ERLIN1: variants seen among roughly 807,000 people sequenced by gnomAD.
The protein encoded by ERLIN1 is ER lipid raft associated 1.
In ERLIN1, 24 loss-of-function variants were observed where a neutral mutation model predicts 46.9. The ratio of observed to expected loss-of-function variants is 0.51; its 90% CI spans 0.37 to 0.72. ERLIN1 has a LOEUF of 0.72. ERLIN1 is among the 30% of genes least tolerant of loss of function. ERLIN1 has a pLI of 0.00. For synonymous variants in ERLIN1, 158 were observed against 143.2 expected, an observed-to-expected ratio of 1.10 and a Z score of -0.74; for missense variants, 293 against 417.9, an observed-to-expected ratio of 0.70 and a Z score of 2.61.
chr10:100,154,800 G>T, intron 10 of ERLIN1, 60 bp downstream of exon 10: 1 of 1,380,332 alleles, frequency 7.2e-7, no homozygotes, highest in South Asian at 1.2e-5. Context: ...CAGAGCTCCT[G>T]AAAAGAGAAA....
At chr10:100,168,193 C>A (rs1162102803) in intron 6 of ERLIN1, among the ~76,000 whole-genome samples, 1 of 152,164 alleles carries the variant, frequency 6.6e-6, no homozygotes, top group Non-Finnish European at 1.5e-5. Context: ...ACCTATACTG[C>A]AAACACACAC....
At chr10:100,168,432 T>C (rs1251016494) in intron 6 of ERLIN1, among the ~76,000 whole-genome samples, 1 of 152,176 alleles carries the variant, frequency 6.6e-6, no homozygotes, top group African/African-American at 2.4e-5. Context: ...GAAGGCTGTG[T>C]GGAAAAAACT....
At chr10:100,164,818 T>C (rs940745377) in intron 7 of ERLIN1, among the ~76,000 whole-genome samples, 2 of 151,800 alleles carry the variant, frequency 1.3e-5, no homozygotes, top group African/African-American at 4.8e-5. Context: ...AAATATTTTA[T>C]AAAGTTACCT....
intron 8 of ERLIN1, among the ~76,000 whole-genome samples, chr10:100,158,000 T>C (rs1429328408): frequency 6.6e-6 from 1 of 152,238 alleles, no homozygotes; most frequent in Non-Finnish European, 1.5e-5. Context: ...TAAGAAAGAA[T>C]GAGAGATCCT....
chr10:100,164,863 T>C (rs1171645619), intron 7 of ERLIN1, among the ~76,000 whole-genome samples: 1 of 150,390 alleles, frequency 6.6e-6, no homozygotes, highest in Non-Finnish European at 1.5e-5. Flanking sequence ...ATAAATAAAA[T>C]ACCTTAAAAA....
intron 7 of ERLIN1, among the ~76,000 whole-genome samples, chr10:100,164,316 T>A (rs141322651): frequency 6.6e-6 from 1 of 152,132 alleles, no homozygotes. Flanking sequence ...AGGAAAAAAA[T>A]TTAGTACATT....
At chr10:100,158,665 A>G (rs1843198979) in intron 8 of ERLIN1, among the ~76,000 whole-genome samples, 1 of 152,252 alleles carries the variant, frequency 6.6e-6, no homozygotes, top group Admixed American at 6.5e-5. Context: ...ATGGGAGGAT[A>G]AAGACAACAT....
chr10:100,179,325 G>T, intron 2 of ERLIN1, 78 bp from the exon 3 acceptor site: 2 of 986,136 alleles, frequency 2.0e-6, no homozygotes, highest in South Asian at 1.4e-5. Flanking sequence ...GCAAATCTCT[G>T]GAAAGCTGCT....
rs111582365 is a variant in ERLIN1 at position 100,185,736 on chromosome 10, G to A, written c.-110C>T. On this transcript the variant is annotated 5_prime_UTR_variant, in exon 1 of 11. Coordinates refer to ENST00000421367, the MANE Select transcript of ERLIN1 (RefSeq NM_006459.4). ...CCGGAAACTTGGCGCTCTCTCGCAG[G>A]CTGAGCCGGGGAGTCCAGTACCCCT... 2.9e-5 allele frequency: 25 copies of A among 853,708 alleles called. No homozygotes were observed. The highest frequency in any genetic ancestry group is 4.9e-5 in the Non-Finnish European group (25 of 510,956). 52.9% of individuals were successfully genotyped at this position (853,708 alleles called of 1,614,324 possible).
chr10:100,172,041 CATCA>C (rs1235207550), intron 6 of ERLIN1, among the ~76,000 whole-genome samples: 3 of 152,176 alleles, frequency 2.0e-5, no homozygotes, highest in Non-Finnish European at 4.4e-5. Context: ...ACACTTTGAT[CATCA>C]ATCCCACTTC....
intron 2 of ERLIN1, among the ~76,000 whole-genome samples, chr10:100,181,687 G>C (rs1459959062): frequency 6.6e-6 from 1 of 151,836 alleles, no homozygotes; most frequent in African/African-American, 2.4e-5. Flanking sequence ...GCTAATTTTT[G>C]TATTTTTGTA....
rs1278509213 is a variant in ERLIN1 at position 100,152,065 on chromosome 10, T to C, written c.*66A>G. The C allele has an allele frequency of 4.1e-6, 4 of 968,272 alleles. No homozygotes were observed. Among genetic ancestry groups the C allele is most frequent in the Non-Finnish European group, 6.7e-6 (4 of 599,128 alleles). 60.0% of individuals were successfully genotyped at this position (968,272 alleles called of 1,614,324 possible). A position where few individuals can be genotyped will look rare whatever the true frequency, so the allele number is the denominator to read the frequency against. On this transcript the variant is annotated 3_prime_UTR_variant, in exon 11 of 11. Transcript: ENST00000421367. ...TCTCTGTAAATCTGAAGAGTCCGTA[T>C]AATGATTGTTCCCACTTAACCCCTT...
At chr10:100,182,704 G>A (rs1340627902) in intron 2 of ERLIN1, among the ~76,000 whole-genome samples, 1 of 152,068 alleles carries the variant, frequency 6.6e-6, no homozygotes, top group African/African-American at 2.4e-5. Flanking sequence ...AAGACAAAGG[G>A]CCAAAATTTA....
At chr10:100,185,331 A>G (rs1367016329) in intron 1 of ERLIN1, among the ~76,000 whole-genome samples, 183 bp downstream of exon 1, 2 of 152,208 alleles carry the variant, frequency 1.3e-5, no homozygotes, top group African/African-American at 4.8e-5. Flanking sequence ...CAAAACGAAC[A>G]TAGCACTAAA....
intron 6 of ERLIN1, among the ~76,000 whole-genome samples, chr10:100,172,714 G>A (rs887757531): frequency 1.3e-5 from 2 of 152,160 alleles, no homozygotes; most frequent in Non-Finnish European, 2.9e-5. Flanking sequence ...TGCACATATT[G>A]CTGTTAAGAA....
rs1844949159 is a variant in ERLIN1, at chr10:100,185,908, A to T, written c.-282T>A. The T allele has an allele frequency of 4.3e-6, 2 of 465,386 alleles. No individual in the cohort carries two copies. The highest frequency in any genetic ancestry group is 7.6e-6 in the Non-Finnish European group (2 of 263,718). 28.8% of individuals were successfully genotyped at this position (465,386 alleles called of 1,614,324 possible). A position where few individuals can be genotyped will look rare whatever the true frequency, so the allele number is the denominator to read the frequency against. On this transcript the variant is annotated 5_prime_UTR_variant, in exon 1 of 11. Coordinates refer to ENST00000421367, the MANE Select transcript of ERLIN1 (RefSeq NM_006459.4). ...TCCCGGGTGGAAGGCACTAACTGAG[A>T]AGAAGCCCAGCCGCAGGCTCGCGAG...
At chr10:100,158,691 C>T (rs12255081) in intron 8 of ERLIN1, among the ~76,000 whole-genome samples, 13,635 of 152,046 alleles carry the variant, frequency 0.09, 903 homozygotes, top group African/African-American at 0.18. Context: ...TAAAATACTA[C>T]GCAATAATAA....
At chr10:100,162,726 A>AT (rs56207703) in intron 8 of ERLIN1, among the ~76,000 whole-genome samples, 1 of 152,224 alleles carries the variant, frequency 6.6e-6, no homozygotes, top group Non-Finnish European at 1.5e-5. Context: ...ATAAGCTCTG[A>AT]TTTTTTATTT....
chr10:100,174,907 G>A lies in ERLIN1; in HGVS notation c.431-626C>T, dbSNP rs144490394. 2.9e-3 allele frequency among the ~76,000 whole-genome samples: 439 copies of A among 152,248 alleles called. 4 individuals are homozygous for A. The highest frequency in any genetic ancestry group is 0.01 in the African/African-American group (428 of 41,536). ...TTCTATTCACCTCAATGGTACTTTC[G>A]CTATTTAAATGACTGGTGGTGAGAC... On this transcript the variant is annotated intron_variant, in intron 5 of 10. Coordinates refer to ENST00000421367, the MANE Select transcript of ERLIN1 (RefSeq NM_006459.4).
Sources: allele counts gnomAD v4.1 joint callset (sites outside exome capture counted in the v4.1 genomes callset), GRCh38; gene constraint gnomAD v4.1.1; transcripts MANE v1.5; gene names NCBI Gene and HGNC (gene_info 2026-07-23, HGNC 2026-07-21).